The following CLSTN1 variants were observed in gnomAD, a reference collection of about 807,000 sequenced individuals.
The protein encoded by CLSTN1 is calsyntenin 1.
Under a neutral mutation model 108.3 loss-of-function variants are expected in CLSTN1, and 28 were observed. That is an observed-to-expected ratio of 0.26 (90% CI 0.19 to 0.35). The LOEUF (loss-of-function observed/expected upper bound fraction) is 0.35, where lower values mean the gene tolerates loss of function less well. Among genes scored for constraint, CLSTN1 ranks in the 10% least tolerant of loss-of-function variants. The pLI is 1.00. For synonymous variants in CLSTN1, 524 were observed against 534.9 expected (o/e 0.98, Z 0.28); for missense variants, 1,157 against 1,302.6 (o/e 0.89, Z 1.72).
intron 2 of CLSTN1, among the ~76,000 whole-genome samples, chr1:9,769,099 G>C (rs527381914): frequency 4.5e-4 from 66 of 146,426 alleles, no homozygotes; most frequent in East Asian, 3.9e-3. Context: ...GGGAGGAAGC[G>C]AAGGAGGGAA....
At chr1:9,817,337 C>CT (rs1242332906) in intron 1 of CLSTN1, among the ~76,000 whole-genome samples, 1 of 151,742 alleles carries the variant, frequency 6.6e-6, no homozygotes, top group East Asian at 1.9e-4. Context: ...AGATTTTTTT[C>CT]TTTTTTTGAG....
At chr1:9,804,567 A>C (rs1654425856) in intron 1 of CLSTN1, among the ~76,000 whole-genome samples, 1 of 151,844 alleles carries the variant, frequency 6.6e-6, no homozygotes, top group Non-Finnish European at 1.5e-5. Flanking sequence ...AAGGAGTGGC[A>C]GGAGCTGTGG....
intron 2 of CLSTN1, among the ~76,000 whole-genome samples, chr1:9,764,731 A>G (rs994735584): frequency 1.3e-5 from 2 of 151,186 alleles, no homozygotes; most frequent in African/African-American, 4.9e-5. Context: ...AGCCCACACC[A>G]TCGTTGCCTC....
chr1:9,755,432 G>T, intron 3 of CLSTN1, 123 bp from the exon 4 acceptor site: 2 of 790,036 alleles, frequency 2.5e-6, no homozygotes, highest in Non-Finnish European at 4.0e-6. Context: ...CCAGGGGTTT[G>T]GAGGGTCCGT....
rs1320076826 is a variant in CLSTN1, at chr1:9,745,773, T to G, written c.986-1130A>C. Among the ~76,000 whole-genome samples, 8 of 144,858 alleles carry G rather than the reference T, an allele frequency of 5.5e-5. No individual in the cohort carries two copies. The East Asian group carries it at 6.0e-4, about 11-fold the overall frequency. Reference sequence around the variant, plus strand: ...AAACTATCTGAATAGTTGTTTTTTTTTTTTTTTTTTTTTTGAGACAGGGTC... The same window carrying G: ...AAACTATCTGAATAGTTGTTTTTTTGTTTTTTTTTTTTTTGAGACAGGGTC... On this transcript the variant is annotated intron_variant, in intron 7 of 18. Transcript: ENST00000377298.
intron 1 of CLSTN1, among the ~76,000 whole-genome samples, chr1:9,777,656 G>C (rs1362544954): frequency 6.6e-6 from 1 of 152,016 alleles, no homozygotes; most frequent in East Asian, 1.9e-4. Context: ...AGCTTACTAA[G>C]AAGAGTGGCA....
At chr1:9,781,142 T>C in intron 1 of CLSTN1, 1 of 761,782 alleles carries the variant, frequency 1.3e-6, no homozygotes, top group East Asian at 2.5e-5. Context: ...TGTACGGCTT[T>C]GTGAACAAGA....
At chr1:9,752,031 G>A (rs543221019) in intron 4 of CLSTN1, among the ~76,000 whole-genome samples, 31 of 152,136 alleles carry the variant, frequency 2.0e-4, no homozygotes, top group African/African-American at 7.5e-4. Flanking sequence ...CCAGACGTCT[G>A]TTTGCTCTCC....
At chr1:9,732,020 G>A (rs1432211004) in intron 16 of CLSTN1, 124 bp from the exon 17 acceptor site, 8 of 1,043,832 alleles carry the variant, frequency 7.7e-6, no homozygotes, top group Non-Finnish European at 1.1e-5. Context: ...CGCAGCTGGG[G>A]GCAAACGGAG....
intron 2 of CLSTN1, among the ~76,000 whole-genome samples, chr1:9,757,670 A>C (rs1221312517): frequency 1.3e-5 from 2 of 152,214 alleles, no homozygotes; most frequent in Admixed American, 6.5e-5. Context: ...ATGTGAATAG[A>C]AACCAGATTC....
At chr1:9,786,747 G>A (rs1229050704) in intron 1 of CLSTN1, among the ~76,000 whole-genome samples, 2 of 150,408 alleles carry the variant, frequency 1.3e-5, no homozygotes, top group East Asian at 4.0e-4. Context: ...ACACCTGCCT[G>A]TCCGCCACCA....
chr1:9,752,893 CAAAAGA>C (rs1243936656), intron 4 of CLSTN1, among the ~76,000 whole-genome samples: 1 of 151,720 alleles, frequency 6.6e-6, no homozygotes, highest in African/African-American at 2.4e-5. Flanking sequence ...ATAAATAAAA[CAAAAGA>C]AAAAGAAACA....
At chr1:9,809,884 G>C (rs1281854238) in intron 1 of CLSTN1, among the ~76,000 whole-genome samples, 1 of 150,450 alleles carries the variant, frequency 6.6e-6, no homozygotes, top group Admixed American at 6.7e-5. Context: ...CTGAGGGAAA[G>C]AGCAAAACTC....
chr1:9,755,273 A>G lies in CLSTN1; in HGVS notation c.281T>C (p.Val94Ala). The change falls in exon 4 of 19, where the codon GTC becomes GCC. Residue 94 changes from valine (V) to alanine (A), a missense_variant. By Grantham distance (64) the Val-to-Ala change is moderately conservative (BLOSUM62 0). Coordinates refer to ENST00000377298, the MANE Select transcript of CLSTN1 (RefSeq NM_001009566.3). ...ICGFKIHGQN[V>A]PFDAVVVDKS... is the part of the protein sequence containing the mutation. ...ATCCACTACCACTGCATCAAAGGGG[A>G]CATTCTGCCCGTGAATTTTAAATCC... 6.2e-7 allele frequency: 1 copy of G among 1,613,484 alleles called. No homozygotes were observed. Among genetic ancestry groups the G allele is most frequent in the Non-Finnish European group, 8.5e-7 (1 of 1,179,530 alleles).
intron 1 of CLSTN1, among the ~76,000 whole-genome samples, chr1:9,815,369 G>T (rs1192190056): frequency 6.6e-6 from 1 of 152,176 alleles, no homozygotes; most frequent in Non-Finnish European, 1.5e-5. Flanking sequence ...GCTATTTAAA[G>T]TATAGAGGAA....
chr1:9,781,182 T>C (rs1437534423), intron 1 of CLSTN1: 13 of 792,086 alleles, frequency 1.6e-5, no homozygotes, highest in African/African-American at 3.4e-5. Flanking sequence ...TCATCAGTTA[T>C]TAAGGAGCTT....
In CLSTN1 at chr1:9,730,903, C is replaced by T. The variant is rs116004869; in HGVS notation, c.2749-198G>A. 5.8e-3 allele frequency among the ~76,000 whole-genome samples: 891 copies of T among 152,310 alleles called. 10 individuals are homozygous for T. The highest frequency in any genetic ancestry group is 0.02 in the African/African-American group (826 of 41,580). Reference sequence around the variant, plus strand: ...AAGCTCCAGTCAGCACCCACGGAGTCACCCACATACAAAGCAGCTTGGGAC... The same window carrying T: ...AAGCTCCAGTCAGCACCCACGGAGTTACCCACATACAAAGCAGCTTGGGAC... On this transcript the variant is annotated intron_variant, in intron 18 of 18. Coordinates refer to ENST00000377298, the MANE Select transcript of CLSTN1 (RefSeq NM_001009566.3). The surrounding 1 kb of genome is among the most constrained non-coding windows in gnomAD (Gnocchi z 5.6).
chr1:9,732,561 C>T (rs1650462815), intron 16 of CLSTN1, among the ~76,000 whole-genome samples: 1 of 152,228 alleles, frequency 6.6e-6, no homozygotes, highest in African/African-American at 2.4e-5. Flanking sequence ...TCAAACAAAA[C>T]AGGCACCGAA....
intron 2 of CLSTN1, among the ~76,000 whole-genome samples, chr1:9,758,087 G>A (rs191688816): frequency 4.3e-4 from 65 of 151,954 alleles, no homozygotes; most frequent in African/African-American, 1.5e-3. Flanking sequence ...TCTGCCTCCC[G>A]GGTTCAAGCG....
Sources: gnomAD v4.1 joint callset for allele counts (sites outside exome capture counted in the v4.1 genomes callset) on GRCh38, gnomAD v4.1.1 for gene constraint, Gnocchi (gnomAD v3.1) non-coding constraint, MANE v1.5 for transcripts, NCBI Gene and HGNC (gene_info 2026-07-23, HGNC 2026-07-21) for gene names.